Variants in REV3L observed in about 807,000 individuals in gnomAD.
The protein encoded by REV3L is DNA polymerase zeta catalytic subunit.
Under a neutral mutation model 299.4 loss-of-function variants are expected in REV3L, and 69 were observed. The observed-to-expected ratio is 0.23, with a 90% CI of 0.19 to 0.28. The LOEUF (loss-of-function observed/expected upper bound fraction) is 0.28, where lower values mean the gene tolerates loss of function less well. Among genes scored for constraint, REV3L ranks in the 10% least tolerant of loss-of-function variants. The probability of loss-of-function intolerance (pLI) is 1.00; values close to 1 mark genes in which losing one functional copy is unlikely to be tolerated. For missense variants in REV3L, 3,128 were observed against 3,693.8 expected, an observed-to-expected ratio of 0.85 and a Z score of 3.97; for synonymous variants, 1,238 against 1,271.4, an observed-to-expected ratio of 0.97 and a Z score of 0.56.
At chr6:111,313,149 T>A (rs1773158258) in intron 28 of REV3L, 1 of 415,474 alleles carries the variant, frequency 2.4e-6, no homozygotes, top group Non-Finnish European at 4.1e-6. Context: ...GGTGACAAAG[T>A]GAGACCCTGT....
chr6:111,333,141 T>C lies in REV3L; in HGVS notation c.7907A>G (p.His2636Arg). The C allele has an allele frequency of 6.2e-7, 1 of 1,613,876 alleles. No homozygotes were observed. The highest frequency in any genetic ancestry group is 8.5e-7 in the Non-Finnish European group (1 of 1,179,860). ...YNYCFSTCLG[H>R]VENLGKYDEF... Reference sequence around the variant, plus strand: ...ACCTTACTTTCCCAAGTTCTCCACATGGCCAAGGCAGGTGGAAAAGCAGTA... The same window carrying C: ...ACCTTACTTTCCCAAGTTCTCCACACGGCCAAGGCAGGTGGAAAAGCAGTA... The change falls in exon 23 of 32, where the codon CAT becomes CGT. Residue 2636 changes from histidine to arginine, a missense_variant. By Grantham distance (29) the His-to-Arg change is conservative (BLOSUM62 0). Around this residue, in one of 9 missense-constraint regions of REV3L, gnomAD observed 149 missense variants for 286.4 expected, o/e 0.52. Transcript: ENST00000368802.
intron 26 of REV3L, among the ~76,000 whole-genome samples, chr6:111,318,538 T>TA (rs1773784897): frequency 6.6e-6 from 1 of 152,202 alleles, no homozygotes; most frequent in Non-Finnish European, 1.5e-5. Flanking sequence ...AGATTATTCT[T>TA]AAAATGTTCA....
intron 28 of REV3L, chr6:111,312,082 G>A (rs1270963306): frequency 6.6e-6 from 1 of 152,250 alleles, no homozygotes; most frequent in Admixed American, 6.5e-5. Flanking sequence ...GGGATTATAG[G>A]CGTGAGCCAC....
At chr6:111,388,261 A>G (rs973488537) in intron 7 of REV3L, among the ~76,000 whole-genome samples, 176 bp from the exon 8 acceptor site, 17 of 152,170 alleles carry the variant, frequency 1.1e-4, no homozygotes, top group African/African-American at 4.1e-4. Flanking sequence ...GGTTGTTACT[A>G]AAGTTATAAA....
chr6:111,481,810 T>C (rs1446123686), intron 1 of REV3L, among the ~76,000 whole-genome samples: 1 of 152,210 alleles, frequency 6.6e-6, no homozygotes, highest in African/African-American at 2.4e-5. Context: ...CTCTATCTTT[T>C]TTATATTATC....
intron 9 of REV3L, 79 bp downstream of exon 9, chr6:111,387,686 C>G: frequency 7.2e-7 from 1 of 1,381,544 alleles, no homozygotes; most frequent in South Asian, 1.3e-5. Flanking sequence ...AAATCCCTAG[C>G]AAACTCAATC....
At chr6:111,411,640 G>A (rs1360964755) in intron 2 of REV3L, 86 bp from the exon 3 acceptor site, 2 of 880,796 alleles carry the variant, frequency 2.3e-6, no homozygotes, top group Non-Finnish European at 3.5e-6. Context: ...AGATTCAGCT[G>A]GCCAAATTCA....
intron 1 of REV3L, among the ~76,000 whole-genome samples, chr6:111,427,423 C>T (rs912158480): frequency 6.6e-6 from 1 of 152,154 alleles, no homozygotes; most frequent in Non-Finnish European, 1.5e-5. Context: ...ACAGAGACTT[C>T]TGGTTGTAAA....
In REV3L at chr6:111,376,390, A is replaced by G; in HGVS notation, c.1965T>C (p.Cys655=). The change falls in exon 13 of 32, where the codon TGT becomes TGC. Residue 655 remains cysteine, a synonymous_variant. Coordinates refer to ENST00000368802, the MANE Select transcript of REV3L (RefSeq NM_001372078.1). The stretch of plus-strand genomic sequence containing the variant: ...CTTCATAATCAAAAATACTACTTTC[A>G]CAGGAAGATACTGGGAGGATCTCTT... The part of the protein sequence containing the change: ...SKKEILPVSS[C]ESSIFDYEED... 1.2e-6 allele frequency: 2 copies of G among 1,613,244 alleles called. No homozygotes were observed. The highest frequency in any genetic ancestry group is 1.7e-6 in the Non-Finnish European group (2 of 1,179,712).
chr6:111,427,658 T>C (rs1036703048), intron 1 of REV3L, among the ~76,000 whole-genome samples: 1 of 152,140 alleles, frequency 6.6e-6, no homozygotes, highest in Non-Finnish European at 1.5e-5. Context: ...TGCAGAAAAC[T>C]TTCCCAACTC....
At chr6:111,353,649 G>A (rs1387292085) in intron 18 of REV3L, 4 of 152,132 alleles carry the variant, frequency 2.6e-5, no homozygotes, top group African/African-American at 9.7e-5. Context: ...TGAGAAAATG[G>A]CTTAATTTAA....
chr6:111,411,985 C>G, intron 2 of REV3L: 2 of 985,384 alleles, frequency 2.0e-6, no homozygotes, highest in Non-Finnish European at 2.4e-6. Flanking sequence ...CTTCTTCTGG[C>G]TCCCATTTTT....
intron 1 of REV3L, among the ~76,000 whole-genome samples, chr6:111,440,066 A>G (rs1053734431): frequency 4.0e-5 from 6 of 150,768 alleles, no homozygotes; most frequent in Non-Finnish European, 8.8e-5. Flanking sequence ...CCTGAAGCAC[A>G]GATTTTTTTT....
chr6:111,353,397 T>C (rs1051720136), intron 18 of REV3L, among the ~76,000 whole-genome samples: 1 of 152,254 alleles, frequency 6.6e-6, no homozygotes, highest in Admixed American at 6.5e-5. Context: ...CTGGAGTATT[T>C]CAGTGGCTGA....
At chr6:111,414,575 A>G (rs2128283095) in intron 2 of REV3L, among the ~76,000 whole-genome samples, 1 of 152,302 alleles carries the variant, frequency 6.6e-6, no homozygotes, top group Non-Finnish European at 1.5e-5. Flanking sequence ...ATTCAATTAA[A>G]ATGATACTAT....
intron 9 of REV3L, among the ~76,000 whole-genome samples, chr6:111,383,327 A>G (rs1031044733): frequency 6.6e-6 from 1 of 151,648 alleles, no homozygotes; most frequent in African/African-American, 2.4e-5. Context: ...TTGGAAAGGA[A>G]GAAGTCGAAT....
chr6:111,300,642 A>G (rs977038220), intron 31 of REV3L, among the ~76,000 whole-genome samples: 4 of 152,238 alleles, frequency 2.6e-5, no homozygotes, highest in African/African-American at 9.6e-5. Flanking sequence ...CCAAATTAAT[A>G]CTTTCATAAT....
chr6:111,301,692 TATA>T (rs776578389), intron 31 of REV3L, among the ~76,000 whole-genome samples: 4 of 152,134 alleles, frequency 2.6e-5, no homozygotes, highest in Admixed American at 1.3e-4. Context: ...GATTTGGATG[TATA>T]ATAAGATCTG....
intron 21 of REV3L, 141 bp from the exon 22 acceptor site, chr6:111,335,751 G>T (rs1775832980): frequency 1.4e-6 from 1 of 733,404 alleles, no homozygotes; most frequent in Non-Finnish European, 2.0e-6. Context: ...TTTAAGCAAA[G>T]TATGCTAAGG....
Sources: allele counts gnomAD v4.1 joint callset (sites outside exome capture counted in the v4.1 genomes callset), GRCh38; gene constraint gnomAD v4.1.1; regional missense constraint gnomAD v4.1.1; transcripts MANE v1.5; gene names NCBI Gene and HGNC (gene_info 2026-07-23, HGNC 2026-07-21).